Variants in GAPVD1 observed in about 807,000 individuals in gnomAD.
GAPVD1 encodes GTPase-activating protein and VPS9 domain-containing protein 1.
In GAPVD1, 35 loss-of-function variants were observed where a neutral mutation model predicts 155.5. The observed-to-expected ratio is 0.23, with a 90% confidence interval of 0.17 to 0.30. GAPVD1 has a LOEUF of 0.30. GAPVD1 is among the 10% of genes least tolerant of loss of function. The probability of loss-of-function intolerance (pLI) is 1.00; values close to 1 mark genes in which losing one functional copy is unlikely to be tolerated. For synonymous variants in GAPVD1, 636 were observed against 619.7 expected (o/e 1.03, Z -0.39); for missense variants, 1,429 against 1,775.7 (o/e 0.80, Z 3.51).
At chr9:125,333,338 C>T (rs1846364638) in intron 15 of GAPVD1, among the ~76,000 whole-genome samples, 1 of 152,018 alleles carries the variant, frequency 6.6e-6, no homozygotes, top group Non-Finnish European at 1.5e-5. Context: ...CCTCGGCCTC[C>T]CAAAGTGCTG....
At chr9:125,265,503 C>T (rs373866341) in intron 1 of GAPVD1, among the ~76,000 whole-genome samples, 1 of 151,350 alleles carries the variant, frequency 6.6e-6, no homozygotes, top group African/African-American at 2.4e-5. Flanking sequence ...CTCTGCCTCC[C>T]GGGTTCCAGC....
chr9:125,332,125 A>T lies in GAPVD1; in HGVS notation c.2308+65A>T, dbSNP rs180863334. On this transcript the variant is annotated intron_variant, in intron 14 of 27. Coordinates refer to ENST00000297933, the MANE Select transcript of GAPVD1 (RefSeq NM_001282680.3). ...GTTCACCCCCTACCCCCTCCTATTT[A>T]TAAAGTTGATACAAAAAGATATGTT... 8.2e-5 allele frequency: 116 copies of T among 1,411,958 alleles called. No homozygotes were observed. In the East Asian group the frequency reaches 2.3e-3, roughly 28 times the overall value. 87.5% of individuals were successfully genotyped at this position (1,411,958 alleles called of 1,614,324 possible).
intron 2 of GAPVD1, among the ~76,000 whole-genome samples, chr9:125,270,909 A>G (rs1477554743): frequency 6.6e-6 from 1 of 152,072 alleles, no homozygotes; most frequent in Non-Finnish European, 1.5e-5. Context: ...AGATCGTGCC[A>G]TTGCACTCCA....
At chr9:125,323,974 T>C in intron 11 of GAPVD1, 51 bp downstream of exon 11, 2 of 1,545,138 alleles carry the variant, frequency 1.3e-6, no homozygotes, top group Admixed American at 1.8e-5. Flanking sequence ...TTTACCTGAT[T>C]GCAAGATGAG....
chr9:125,361,463 G>A (rs1009538975), intron 27 of GAPVD1, among the ~76,000 whole-genome samples: 1 of 151,660 alleles, frequency 6.6e-6, no homozygotes, highest in African/African-American at 2.4e-5. Context: ...AGCAGAGCTT[G>A]TAGTGAGCCG....
chr9:125,296,667 T>TC (rs1839937623), intron 3 of GAPVD1, among the ~76,000 whole-genome samples: 1 of 135,992 alleles, frequency 7.4e-6, no homozygotes, highest in African/African-American at 2.8e-5. Flanking sequence ...TTTTTTTTTT[T>TC]CTCCTATTTT....
intron 12 of GAPVD1, among the ~76,000 whole-genome samples, chr9:125,329,781 C>G (rs372817575): frequency 1.3e-5 from 2 of 152,018 alleles, no homozygotes; most frequent in Non-Finnish European, 2.9e-5. Context: ...ACCTCTGCCT[C>G]CCGGGTTCTT....
chr9:125,299,236 G>C (rs1588750646), intron 4 of GAPVD1, 130 bp downstream of exon 4: 2 of 531,786 alleles, frequency 3.8e-6, no homozygotes, highest in Non-Finnish European at 6.6e-6. Flanking sequence ...TCAATGTTAA[G>C]GTGAGTCTTT....
intron 27 of GAPVD1, among the ~76,000 whole-genome samples, chr9:125,361,780 A>G (rs747396777): frequency 2.0e-5 from 3 of 152,130 alleles, no homozygotes; most frequent in Non-Finnish European, 4.4e-5. Flanking sequence ...CATCATTTAA[A>G]TGGTTTATTT....
At chr9:125,265,015 G>A (rs537503922) in intron 1 of GAPVD1, among the ~76,000 whole-genome samples, 152 of 152,256 alleles carry the variant, frequency 1.0e-3, no homozygotes, top group Non-Finnish European at 1.8e-3. Context: ...CACCGCGCCT[G>A]GCCATCTTAC....
intron 4 of GAPVD1, among the ~76,000 whole-genome samples, chr9:125,299,466 G>A (rs1056454447): frequency 2.0e-5 from 3 of 152,028 alleles, no homozygotes; most frequent in African/African-American, 7.2e-5. Context: ...GACCAGCCTG[G>A]CCAAGATGGT....
chr9:125,315,077 G>A (rs1430068471), intron 9 of GAPVD1, among the ~76,000 whole-genome samples: 3 of 152,222 alleles, frequency 2.0e-5, no homozygotes, highest in South Asian at 4.1e-4. Context: ...GTGAGCCATC[G>A]TGCCCTGCCA....
chr9:125,347,667 CT>C (rs1848683514), intron 20 of GAPVD1, among the ~76,000 whole-genome samples: 1 of 151,638 alleles, frequency 6.6e-6, no homozygotes, highest in Non-Finnish European at 1.5e-5. Context: ...TTGCAGTGAG[CT>C]GAGATGACGC....
At chr9:125,311,058 C>T (rs947190114) in intron 8 of GAPVD1, among the ~76,000 whole-genome samples, 2 of 151,876 alleles carry the variant, frequency 1.3e-5, no homozygotes, top group Non-Finnish European at 2.9e-5. Context: ...CCAGGCTGGT[C>T]TCAAACTCCC....
intron 8 of GAPVD1, among the ~76,000 whole-genome samples, chr9:125,311,406 G>A (rs979845998): frequency 3.3e-5 from 5 of 152,168 alleles, no homozygotes; most frequent in African/African-American, 1.2e-4. Flanking sequence ...TGGATCACCT[G>A]AGATCAGGAG....
chr9:125,275,373 A>G (rs942821640), intron 2 of GAPVD1, among the ~76,000 whole-genome samples: 4 of 152,040 alleles, frequency 2.6e-5, no homozygotes, highest in African/African-American at 9.7e-5. Flanking sequence ...ACCACACCCA[A>G]CCTAAATTGT....
intron 23 of GAPVD1, among the ~76,000 whole-genome samples, chr9:125,352,303 GA>G (rs1212941884): frequency 7.9e-5 from 12 of 152,230 alleles, no homozygotes; most frequent in African/African-American, 2.9e-4. Flanking sequence ...GGTTCCCCAT[GA>G]GGACCCTGCC....
intron 9 of GAPVD1, among the ~76,000 whole-genome samples, chr9:125,319,602 T>A (rs1331248728): frequency 7.6e-6 from 1 of 130,786 alleles, no homozygotes; most frequent in Admixed American, 7.8e-5. Context: ...AAAAAAAAAC[T>A]TTTTTTTTTT....
intron 3 of GAPVD1, among the ~76,000 whole-genome samples, chr9:125,297,820 A>T (rs1458138322): frequency 6.6e-6 from 1 of 152,126 alleles, no homozygotes; most frequent in African/African-American, 2.4e-5. Flanking sequence ...ATCTCACCTC[A>T]CTGCAACCTC....
Sources: allele counts gnomAD v4.1 joint callset (sites outside exome capture counted in the v4.1 genomes callset), GRCh38; gene constraint gnomAD v4.1.1; transcripts MANE v1.5; gene names NCBI Gene and HGNC (gene_info 2026-07-23, HGNC 2026-07-21).